Variants in KCNQ1 observed in about 807,000 individuals in gnomAD.
KCNQ1 encodes the protein potassium voltage-gated channel subfamily KQT member 1.
KCNQ1 carries 49 observed loss-of-function variants against 72.4 expected under a neutral mutation model. The ratio of observed to expected loss-of-function variants is 0.68; its 90% CI spans 0.54 to 0.86. KCNQ1 has a LOEUF of 0.86. Among genes scored for constraint, KCNQ1 ranks in the 40% least tolerant of loss-of-function variants. The pLI, the probability that KCNQ1 is intolerant of heterozygous loss-of-function variation, is 0.00. For synonymous variants in KCNQ1, 450 were observed against 412.6 expected (o/e 1.09, Z -1.10); for missense variants, 790 against 945.1 (o/e 0.84, Z 2.15).
chr11:2,649,306 C>A, intron 10 of KCNQ1: 4 of 398,242 alleles, frequency 1.0e-5, no homozygotes, highest in Non-Finnish European at 1.8e-5. Context: ...TTTTTCTTTG[C>A]AATTTTTTGG....
At chr11:2,802,955 T>A (rs1364227645) in intron 15 of KCNQ1, among the ~76,000 whole-genome samples, 2 of 152,184 alleles carry the variant, frequency 1.3e-5, no homozygotes, top group African/African-American at 2.4e-5. Flanking sequence ...GGCTAGACAG[T>A]GCCCTGGCCA....
rs140252158 is a variant in KCNQ1 at position 2,757,770 on chromosome 11, G to A, written c.1515-11074G>A. On this transcript the variant is annotated intron_variant, in intron 11 of 15. Transcript: ENST00000155840. ...GAAATAGACACACGCAAACATGCCTGACTAATTTTAAGACAAAGATGCAAA... is the reference window on the plus strand; with the variant it reads ...GAAATAGACACACGCAAACATGCCTAACTAATTTTAAGACAAAGATGCAAA... Among the ~76,000 whole-genome samples the A allele has an allele frequency of 8.4e-4, 128 of 152,330 alleles. 1 individual carries two copies. Among genetic ancestry groups the A allele is most frequent in the African/African-American group, 2.8e-3 (115 of 41,560 alleles).
At position 2,479,902 on chromosome 11, in the gene KCNQ1, A is replaced by T. The variant is rs1450536467; in HGVS notation, c.386+34418A>T. Among the ~76,000 whole-genome samples, 1 of 152,200 alleles carries T rather than the reference A, an allele frequency of 6.6e-6. No homozygotes were observed. The highest frequency in any genetic ancestry group is 1.9e-4 in the East Asian group (1 of 5,200). On this transcript the variant is annotated intron_variant, in intron 1 of 15. Coordinates refer to ENST00000155840, the MANE Select transcript of KCNQ1 (RefSeq NM_000218.3). This position sits in a 1 kb window ranked among gnomAD's most constrained non-coding sequence, Gnocchi z 4.6. ...ACCTCTTGAAAGCTTTGCAGCTTAG[A>T]AATTTCTTCCACCAAATACCCTAAA...
At chr11:2,574,969 G>A (rs1006575999) in intron 6 of KCNQ1, among the ~76,000 whole-genome samples, 4 of 152,168 alleles carry the variant, frequency 2.6e-5, no homozygotes, top group Non-Finnish European at 4.4e-5. Context: ...GGGCGTGCTC[G>A]GGGGATGGAC....
chr11:2,757,234 G>A (rs1846318875), intron 11 of KCNQ1, among the ~76,000 whole-genome samples: 1 of 152,070 alleles, frequency 6.6e-6, no homozygotes, highest in Non-Finnish European at 1.5e-5. Flanking sequence ...AAAATATCTG[G>A]AACTTAGGAG....
At chr11:2,470,867 G>A (rs1210066297) in intron 1 of KCNQ1, among the ~76,000 whole-genome samples, 2 of 152,248 alleles carry the variant, frequency 1.3e-5, no homozygotes, top group East Asian at 3.9e-4. Context: ...TTATCAACTT[G>A]TTCCCTTATG....
In KCNQ1 at chr11:2,735,015, G is replaced by A. The variant is rs912596730; in HGVS notation, c.1515-33829G>A. Among the ~76,000 whole-genome samples the A allele has an allele frequency of 6.6e-6, 1 of 152,142 alleles. No individual in the cohort carries two copies. Among genetic ancestry groups the A allele is most frequent in the Non-Finnish European group, 1.5e-5 (1 of 68,008 alleles). ...GCTGCCCCAGGCTGGTGGGGTAAGC[G>A]CCTCGGAGGGCACACTAACAAGAGG... On this transcript the variant is annotated intron_variant, in intron 11 of 15. Transcript: ENST00000155840. The surrounding 1 kb of genome is among the most constrained non-coding windows in gnomAD (Gnocchi z 7.7).
At chr11:2,697,386 T>C in intron 11 of KCNQ1, 1 of 398,640 alleles carries the variant, frequency 2.5e-6, no homozygotes, top group Admixed American at 4.4e-5. Flanking sequence ...CCCATTTCTT[T>C]TTCTTGTATT....
In KCNQ1 at chr11:2,492,986, G is replaced by A. The variant is rs145048462; in HGVS notation, c.387-34942G>A. Among the ~76,000 whole-genome samples the A allele has an allele frequency of 8.4e-3, 1,273 of 152,280 alleles. 15 individuals are homozygous for A. Among genetic ancestry groups the A allele is most frequent in the African/African-American group, 0.029 (1,220 of 41,570 alleles). ...ACACTCCCACCAACAGTGTAAAAGC[G>A]TTCCTATTTCTCCACATCCTCTCCA... On this transcript the variant is annotated intron_variant, in intron 1 of 15. Coordinates refer to ENST00000155840, the MANE Select transcript of KCNQ1 (RefSeq NM_000218.3). The surrounding 1 kb of genome is among the most constrained non-coding windows in gnomAD (Gnocchi z 4.1).
At chr11:2,577,292 T>C (rs1247108583) in intron 6 of KCNQ1, among the ~76,000 whole-genome samples, 1 of 152,122 alleles carries the variant, frequency 6.6e-6, no homozygotes, top group Non-Finnish European at 1.5e-5. Flanking sequence ...CCTGTGGTGG[T>C]TCGCAGGTGG....
At chr11:2,499,336 A>G (rs753292134) in intron 1 of KCNQ1, among the ~76,000 whole-genome samples, 25 of 152,246 alleles carry the variant, frequency 1.6e-4, no homozygotes, top group Non-Finnish European at 3.1e-4. Context: ...GCAAGAAATT[A>G]AAGCATGCCA....
chr11:2,454,807 T>A (rs1564785359), intron 1 of KCNQ1, among the ~76,000 whole-genome samples: 1 of 152,086 alleles, frequency 6.6e-6, no homozygotes, highest in African/African-American at 2.4e-5. Flanking sequence ...CCATGGTAAA[T>A]GTGGTACTGA....
Position 2,475,917 on chromosome 11 carries a change from T to C in KCNQ1, c.386+30433T>C, listed in dbSNP as rs536647615. On this transcript the variant is annotated intron_variant, in intron 1 of 15. Transcript: ENST00000155840. This position sits in a 1 kb window ranked among gnomAD's most constrained non-coding sequence, Gnocchi z 5.8. ...TGAGGCTTCCCCAGCCACATGGAACTGTAAGTCCAATTAAACCTCTTTCTT... is the reference window on the plus strand; with the variant it reads ...TGAGGCTTCCCCAGCCACATGGAACCGTAAGTCCAATTAAACCTCTTTCTT... Among the ~76,000 whole-genome samples the C allele has an allele frequency of 5.3e-5, 8 of 152,348 alleles. No homozygotes were observed. Among genetic ancestry groups the C allele is most frequent in the Non-Finnish European group, 1.2e-4 (8 of 68,032 alleles).
At chr11:2,545,563 A>G (rs1194852246) in intron 2 of KCNQ1, among the ~76,000 whole-genome samples, 1 of 152,164 alleles carries the variant, frequency 6.6e-6, no homozygotes, top group Non-Finnish European at 1.5e-5. Context: ...TATTCAGGTG[A>G]TTGATAATAG....
intron 15 of KCNQ1, among the ~76,000 whole-genome samples, chr11:2,833,456 G>A (rs966291992): frequency 6.6e-6 from 1 of 152,204 alleles, no homozygotes; most frequent in African/African-American, 2.4e-5. Context: ...GCCTTAGGGT[G>A]GGCACCTGGG....
At chr11:2,522,844 C>T (rs1847412824) in intron 1 of KCNQ1, among the ~76,000 whole-genome samples, 1 of 152,202 alleles carries the variant, frequency 6.6e-6, no homozygotes, top group Non-Finnish European at 1.5e-5. Context: ...CTTTCCCAGG[C>T]ACCTCTGCCC....
chr11:2,728,419 C>T (rs1360382312), intron 11 of KCNQ1, among the ~76,000 whole-genome samples: 1 of 152,238 alleles, frequency 6.6e-6, no homozygotes, highest in African/African-American at 2.4e-5. Flanking sequence ...TAGGACCTAC[C>T]GAGCGTTTGA....
rs1388735374 is a variant in KCNQ1 at position 2,475,977 on chromosome 11, C to T, written c.386+30493C>T. On this transcript the variant is annotated intron_variant, in intron 1 of 15. Transcript: ENST00000155840. The surrounding 1 kb of genome is among the most constrained non-coding windows in gnomAD (Gnocchi z 5.8). ...TGCTCAGTCTTGGGTATGTCTTTATCAGCAGTGTGAAAACGGACTAATACT... is the reference window on the plus strand; with the variant it reads ...TGCTCAGTCTTGGGTATGTCTTTATTAGCAGTGTGAAAACGGACTAATACT... Among the ~76,000 whole-genome samples the T allele has an allele frequency of 6.6e-6, 1 of 152,174 alleles. No homozygotes were observed. Among genetic ancestry groups the T allele is most frequent in the Non-Finnish European group, 1.5e-5 (1 of 68,036 alleles).
intron 11 of KCNQ1, among the ~76,000 whole-genome samples, chr11:2,721,523 A>G (rs1306002171): frequency 6.6e-6 from 1 of 152,218 alleles, no homozygotes; most frequent in African/African-American, 2.4e-5. Flanking sequence ...GAATCAGCAA[A>G]TTGTATCAAG....
Sources: gnomAD v4.1 joint callset for allele counts (sites outside exome capture counted in the v4.1 genomes callset) on GRCh38, gnomAD v4.1.1 for gene constraint, Gnocchi (gnomAD v3.1) non-coding constraint, MANE v1.5 for transcripts, NCBI Gene and HGNC (gene_info 2026-07-23, HGNC 2026-07-21) for gene names.